Variants in PCDH15 observed in about 807,000 individuals in gnomAD.
PCDH15 encodes the protein protocadherin related 15, also known as protocadherin-15.
A neutral mutation model predicts 178.5 loss-of-function variants in PCDH15; 129 were observed. The ratio of observed to expected loss-of-function variants is 0.72; its 90% CI spans 0.63 to 0.84. The LOEUF (loss-of-function observed/expected upper bound fraction) is 0.84, where lower values mean the gene tolerates loss of function less well. Ranked by LOEUF, PCDH15 falls within the 40% of genes least tolerant of loss-of-function variation. PCDH15 has a pLI of 0.00. For synonymous variants in PCDH15, 800 were observed against 732.0 expected (o/e 1.09, Z -1.50); for missense variants, 2,230 against 2,099.9 (o/e 1.06, Z -1.21).
intron 1 of PCDH15, among the ~76,000 whole-genome samples, chr10:55,279,086 G>A (rs763220389): frequency 6.6e-6 from 1 of 152,156 alleles, no homozygotes; most frequent in Admixed American, 6.6e-5. Context: ...TTCGATGCCC[G>A]AGATGAGTGA....
chr10:55,385,705 A>ATATATATG (rs1164162927), intron 2 of PCDH15, among the ~76,000 whole-genome samples: 4 of 145,798 alleles, frequency 2.7e-5, no homozygotes, highest in Non-Finnish European at 6.0e-5. Context: ...ATATATATAT[A>ATATATATG]TATATATATA....
chr10:55,395,188 TGTGTGTGTGAGAGAGAGA>T (rs1333758493), intron 2 of PCDH15, among the ~76,000 whole-genome samples: 1 of 89,970 alleles, frequency 1.1e-5, no homozygotes, highest in Non-Finnish European at 2.2e-5. Context: ...TGTGTGTGTG[TGTGTGTGTGAGAGAGAGA>T]GAGAGAGAGA....
intron 8 of PCDH15, among the ~76,000 whole-genome samples, chr10:54,246,060 C>T (rs2055889302): frequency 1.3e-5 from 2 of 151,846 alleles, no homozygotes; most frequent in African/African-American, 2.4e-5. Context: ...CAGGATTGCA[C>T]TTTGAGCTTC....
intron 13 of PCDH15, among the ~76,000 whole-genome samples, chr10:54,167,306 CCT>C (rs2046334293): frequency 6.6e-6 from 1 of 152,142 alleles, no homozygotes; most frequent in Non-Finnish European, 1.5e-5. Context: ...TCTTCTCCAA[CCT>C]CTCTCACTGT....
intron 2 of PCDH15, among the ~76,000 whole-genome samples, chr10:55,147,356 G>A (rs1936465): frequency 0.9 from 136,607 of 151,496 alleles, 62,276 homozygotes; most frequent in Non-Finnish European, 0.97. Context: ...ATTGTATAAT[G>A]CAGAAAAATA....
intron 1 of PCDH15, among the ~76,000 whole-genome samples, chr10:55,183,732 G>T (rs2132137341): frequency 6.6e-6 from 1 of 151,716 alleles, no homozygotes; most frequent in South Asian, 2.1e-4. Context: ...AATGCCTCCA[G>T]CAGAATGTAA....
chr10:54,670,919 T>A (rs1479533589), intron 1 of PCDH15, among the ~76,000 whole-genome samples: 1 of 152,142 alleles, frequency 6.6e-6, no homozygotes, highest in African/African-American at 2.4e-5. Flanking sequence ...GTAAAATAAC[T>A]CCAAATTAGG....
intron 2 of PCDH15, among the ~76,000 whole-genome samples, chr10:54,582,096 T>C (rs2091093682): frequency 6.6e-6 from 1 of 152,082 alleles, no homozygotes; most frequent in African/African-American, 2.4e-5. Flanking sequence ...TTAAAGAGTT[T>C]GCACAGCAAT....
At chr10:55,009,753 C>T (rs565473086) in intron 2 of PCDH15, among the ~76,000 whole-genome samples, 42 of 152,042 alleles carry the variant, frequency 2.8e-4, no homozygotes, top group Middle Eastern at 3.4e-3. Context: ...AACTAAAGAG[C>T]GAAACAGAAT....
At chr10:54,842,416 T>A (rs919879353) in intron 3 of PCDH15, among the ~76,000 whole-genome samples, 1 of 151,868 alleles carries the variant, frequency 6.6e-6, no homozygotes, top group Non-Finnish European at 1.5e-5. Context: ...CCCGTCTGCA[T>A]CCATTTCTTA....
At chr10:55,005,347 G>A (rs1325354729) in intron 2 of PCDH15, among the ~76,000 whole-genome samples, 1 of 151,780 alleles carries the variant, frequency 6.6e-6, no homozygotes, top group Non-Finnish European at 1.5e-5. Flanking sequence ...ATCTTCCATA[G>A]CAGGTTTTCA....
At chr10:54,473,286 T>C (rs1589598223) in intron 3 of PCDH15, among the ~76,000 whole-genome samples, 1 of 152,238 alleles carries the variant, frequency 6.6e-6, no homozygotes, top group East Asian at 1.9e-4. Context: ...AAGGGGATAT[T>C]TGGAAGCATA....
chr10:55,535,490 C>A (rs908742533), intron 2 of PCDH15, among the ~76,000 whole-genome samples: 7 of 151,954 alleles, frequency 4.6e-5, no homozygotes, highest in African/African-American at 1.7e-4. Context: ...AAAAAGACAA[C>A]TCCAATGTAC....
chr10:55,084,791 AG>A (rs1842125832), intron 2 of PCDH15, among the ~76,000 whole-genome samples: 1 of 152,062 alleles, frequency 6.6e-6, no homozygotes. Context: ...TCTCAAAAGA[AG>A]ACATACAAAT....
rs1275245579 is a variant in PCDH15, at chr10:54,378,920, C to T, written c.180G>A (p.Met60Ile). Residue 60 changes from methionine (M) to isoleucine (I), a missense_variant, in exon 4 of 38, where the codon ATG (methionine) becomes ATA (isoleucine). Transcript: ENST00000644397. ...SRNGTILVDN[M>I]LIKGTAGGPD... ...GTCCTCCAGCAGTCCCTTTGATCAG[C>T]ATGTTGTCCACCAGAATTGTACCTG... 5.6e-6 allele frequency: 9 copies of T among 1,613,732 alleles called. No individual in the cohort carries two copies. The East Asian group carries it at 2.0e-4, about 36-fold the overall frequency.
intron 2 of PCDH15, among the ~76,000 whole-genome samples, chr10:55,611,892 CG>C (rs1437788410): frequency 4.6e-5 from 7 of 151,908 alleles, no homozygotes; most frequent in Admixed American, 4.6e-4. Context: ...TCTAGAGGAT[CG>C]TATGTAAAGT....
Position 54,755,407 on chromosome 10 carries a change from A to T in PCDH15, c.-29+45518T>A, listed in dbSNP as rs1291387977. 3.3e-5 allele frequency among the ~76,000 whole-genome samples: 5 copies of T among 152,230 alleles called. No individual in the cohort carries two copies. In the East Asian group the frequency reaches 9.6e-4, roughly 29 times the overall value. The stretch of plus-strand genomic sequence containing the variant: ...GCCAAATCAAGTTTATTCCAACTAA[A>T]ATACTGCAAACATTTACTTAAGCTA... On this transcript the variant is annotated intron_variant, in intron 1 of 37. Coordinates refer to ENST00000644397, the MANE Select transcript of PCDH15 (RefSeq NM_001384140.1).
chr10:54,611,036 T>C (rs1056265693), intron 2 of PCDH15, among the ~76,000 whole-genome samples: 3 of 151,874 alleles, frequency 2.0e-5, no homozygotes, highest in African/African-American at 4.8e-5. Context: ...AATATATAAA[T>C]GTCTTAAATA....
chr10:54,874,489 A>G (rs1240146611), intron 3 of PCDH15, among the ~76,000 whole-genome samples: 9 of 152,118 alleles, frequency 5.9e-5, no homozygotes, highest in African/African-American at 2.2e-4. Flanking sequence ...ACCATTCAGG[A>G]CATAGGCGTG....
Sources: gnomAD v4.1 joint callset for allele counts (sites outside exome capture counted in the v4.1 genomes callset) on GRCh38, gnomAD v4.1.1 for gene constraint, MANE v1.5 for transcripts, NCBI Gene and HGNC (gene_info 2026-07-23, HGNC 2026-07-21) for gene names.